The following PTPRK variants were observed in gnomAD, a reference collection of about 807,000 sequenced individuals.
PTPRK encodes the protein protein tyrosine phosphatase receptor type K.
A neutral mutation model predicts 178.0 loss-of-function variants in PTPRK; 75 were observed. That is an observed-to-expected ratio of 0.42 (90% CI 0.35 to 0.51). PTPRK has a LOEUF of 0.51. Ranked by LOEUF, PTPRK falls within the 20% of genes least tolerant of loss-of-function variation. The pLI is 0.02. For missense variants in PTPRK, 1,441 were observed against 1,797.8 expected (o/e 0.80, Z 3.59); for synonymous variants, 637 against 620.6 (o/e 1.03, Z -0.39).
intron 5 of PTPRK, chr6:128,238,185 C>CAAAA (rs58051125): frequency 6.9e-4 from 143 of 206,330 alleles, no homozygotes; most frequent in South Asian, 1.1e-3. Context: ...TAGCAAACGC[C>CAAAA]AAAAAAAAAA....
At chr6:128,012,417 G>A (rs1400475480) in intron 13 of PTPRK, among the ~76,000 whole-genome samples, 1 of 151,194 alleles carries the variant, frequency 6.6e-6, no homozygotes, top group African/African-American at 2.4e-5. Flanking sequence ...CTATTATAGT[G>A]GTGGTGCCCC....
intron 8 of PTPRK, among the ~76,000 whole-genome samples, chr6:128,087,432 TAAAAG>T (rs1786084241): frequency 6.6e-6 from 1 of 152,178 alleles, no homozygotes; most frequent in African/African-American, 2.4e-5. Context: ...TATCCCATTT[TAAAAG>T]AAAAGATAGA....
At chr6:128,240,948 T>C (rs1034228415) in intron 4 of PTPRK, among the ~76,000 whole-genome samples, 4 of 152,214 alleles carry the variant, frequency 2.6e-5, no homozygotes, top group African/African-American at 9.6e-5. Flanking sequence ...GAAAAGTTCA[T>C]GGAGGGCCGT....
intron 3 of PTPRK, among the ~76,000 whole-genome samples, chr6:128,257,983 T>A (rs558781632): frequency 3.2e-4 from 49 of 152,288 alleles, no homozygotes; most frequent in Admixed American, 1.3e-3. Context: ...AACTTTATTG[T>A]CATGGCTCAT....
Position 128,037,059 on chromosome 6 carries a change from T to C in PTPRK, c.2194+27699A>G, listed in dbSNP as rs566969090. 1.1e-3 allele frequency among the ~76,000 whole-genome samples: 167 copies of C among 152,216 alleles called. 1 individual carries two copies. The highest frequency in any genetic ancestry group is 3.9e-3 in the African/African-American group (163 of 41,542). On this transcript the variant is annotated intron_variant, in intron 13 of 29. Transcript: ENST00000368226. ...CCCTAACTCATTCTTTTAGTTGTGC[T>C]TGGGTGCAAATCTGTTCACTGTGCT...
At chr6:128,250,376 T>C (rs1816273417) in intron 3 of PTPRK, among the ~76,000 whole-genome samples, 1 of 152,214 alleles carries the variant, frequency 6.6e-6, no homozygotes, top group Non-Finnish European at 1.5e-5. Context: ...TTATTTCCTC[T>C]AGTAAAATAT....
intron 5 of PTPRK, among the ~76,000 whole-genome samples, chr6:128,236,442 G>A (rs746035448): frequency 1.6e-4 from 24 of 146,174 alleles, no homozygotes; most frequent in Non-Finnish European, 3.3e-4. Context: ...TCCGCCTCCC[G>A]GGTTCAAGCA....
chr6:128,487,495 C>A (rs1191734330), intron 1 of PTPRK, among the ~76,000 whole-genome samples: 1 of 151,862 alleles, frequency 6.6e-6, no homozygotes, highest in Admixed American at 6.6e-5. Context: ...TCCTCTCCTC[C>A]AAAACAGGCC....
intron 1 of PTPRK, among the ~76,000 whole-genome samples, chr6:128,495,595 A>G (rs1381645211): frequency 6.6e-6 from 1 of 152,102 alleles, no homozygotes; most frequent in African/African-American, 2.4e-5. Flanking sequence ...CTTTACCTGT[A>G]CACTTCTCTC....
chr6:128,142,705 T>C (rs948470649), intron 7 of PTPRK, among the ~76,000 whole-genome samples: 2 of 151,878 alleles, frequency 1.3e-5, no homozygotes, highest in Non-Finnish European at 2.9e-5. Context: ...AAGAAAAAAA[T>C]ACCAGTAAGT....
At chr6:128,172,149 A>AC (rs1038135134) in intron 7 of PTPRK, among the ~76,000 whole-genome samples, 1 of 151,990 alleles carries the variant, frequency 6.6e-6, no homozygotes, top group African/African-American at 2.4e-5. Context: ...AATCAAATTA[A>AC]TACCCAGGAT....
At chr6:128,249,510 A>G (rs1816095142) in intron 3 of PTPRK, among the ~76,000 whole-genome samples, 1 of 152,244 alleles carries the variant, frequency 6.6e-6, no homozygotes, top group South Asian at 2.1e-4. Flanking sequence ...AAGTTACTGG[A>G]TGATCTAAGC....
At chr6:128,451,164 T>C (rs1847740284) in intron 1 of PTPRK, among the ~76,000 whole-genome samples, 1 of 152,196 alleles carries the variant, frequency 6.6e-6, no homozygotes, top group African/African-American at 2.4e-5. Context: ...TACTTTGATA[T>C]TAAAAATCTG....
At chr6:128,095,594 G>A (rs909065592) in intron 7 of PTPRK, among the ~76,000 whole-genome samples, 3 of 152,108 alleles carry the variant, frequency 2.0e-5, no homozygotes, top group Admixed American at 6.5e-5. Flanking sequence ...CCATCAATCA[G>A]GGAGTTCAGA....
intron 13 of PTPRK, among the ~76,000 whole-genome samples, chr6:128,057,578 C>A (rs1780114064): frequency 6.6e-6 from 1 of 152,144 alleles, no homozygotes; most frequent in South Asian, 2.1e-4. Context: ...TGTGCTGTCC[C>A]AATTCCATCC....
chr6:128,279,122 T>C (rs1339198), intron 3 of PTPRK, among the ~76,000 whole-genome samples: 8,422 of 151,796 alleles, frequency 0.055, 774 homozygotes, highest in African/African-American at 0.19. Context: ...AGGCTCAGAC[T>C]GTGAGCCATT....
At chr6:128,502,836 T>A (rs1229662457) in intron 1 of PTPRK, among the ~76,000 whole-genome samples, 1 of 152,220 alleles carries the variant, frequency 6.6e-6, no homozygotes, top group Non-Finnish European at 1.5e-5. Context: ...TGTGTTACTA[T>A]GCATCTCTTC....
chr6:128,046,904 C>G (rs900251203), intron 13 of PTPRK, among the ~76,000 whole-genome samples: 1 of 152,106 alleles, frequency 6.6e-6, no homozygotes, highest in Non-Finnish European at 1.5e-5. Flanking sequence ...ATAAACTGTT[C>G]TTTTTCTTCT....
At chr6:128,255,066 C>A (rs983668847) in intron 3 of PTPRK, among the ~76,000 whole-genome samples, 1 of 152,216 alleles carries the variant, frequency 6.6e-6, no homozygotes, top group African/African-American at 2.4e-5. Flanking sequence ...TCTCAGCTCA[C>A]CACAACCTCC....
Sources: allele counts gnomAD v4.1 joint callset (sites outside exome capture counted in the v4.1 genomes callset), GRCh38; gene constraint gnomAD v4.1.1; transcripts MANE v1.5; gene names NCBI Gene and HGNC (gene_info 2026-07-23, HGNC 2026-07-21).